Variants in SYT9 observed in about 807,000 individuals in gnomAD.
SYT9 encodes synaptotagmin 9.
Under a neutral mutation model 48.4 loss-of-function variants are expected in SYT9, and 22 were observed. That is an observed-to-expected ratio of 0.45 (90% CI 0.32 to 0.65). The LOEUF is 0.65. Ranked by LOEUF, SYT9 falls within the 30% of genes least tolerant of loss-of-function variation. SYT9 has a pLI of 0.03. For missense variants in SYT9, 577 were observed against 622.0 expected, an observed-to-expected ratio of 0.93 and a Z score of 0.77; for synonymous variants, 265 against 245.0, an observed-to-expected ratio of 1.08 and a Z score of -0.76.
chr11:7,426,289 T>C (rs1235046053), intron 6 of SYT9, among the ~76,000 whole-genome samples: 1 of 152,102 alleles, frequency 6.6e-6, no homozygotes, highest in Non-Finnish European at 1.5e-5. Context: ...CTGGTGTAAC[T>C]GTGGGCTATA....
chr11:7,427,274 C>G lies in SYT9; in HGVS notation c.1467+6639C>G, dbSNP rs182570209. ...AAATAGAGATGGCCCTTATTAAGCTCCAAGTTTTAATTACCTTTTCTCTAT... is the reference window on the plus strand; with the variant it reads ...AAATAGAGATGGCCCTTATTAAGCTGCAAGTTTTAATTACCTTTTCTCTAT... On this transcript the variant is annotated intron_variant, in intron 6 of 6. Coordinates refer to ENST00000318881, the MANE Select transcript of SYT9 (RefSeq NM_175733.4). The G allele has an allele frequency of 1.1e-4, 16 of 152,254 alleles. No homozygotes were observed. The East Asian group carries it at 2.9e-3, about 28-fold the overall frequency. The allele number at this position is 152,254 out of a possible 1,614,324, so 9.4% of individuals were successfully genotyped here.
chr11:7,372,525 C>T (rs1302218896), intron 3 of SYT9, among the ~76,000 whole-genome samples: 3 of 152,086 alleles, frequency 2.0e-5, no homozygotes, highest in African/African-American at 7.2e-5. Context: ...ATTGCCCAGG[C>T]AGGTGATTTC....
chr11:7,419,966 G>A, intron 5 of SYT9, among the ~76,000 whole-genome samples: 1 of 152,138 alleles, frequency 6.6e-6, no homozygotes, highest in East Asian at 1.9e-4. Flanking sequence ...AACTAACTGG[G>A]CCAAAGAAGC....
chr11:7,456,533 C>T (rs1219723192), intron 6 of SYT9, among the ~76,000 whole-genome samples: 4 of 152,096 alleles, frequency 2.6e-5, no homozygotes, highest in Admixed American at 2.6e-4. Flanking sequence ...TGGCCACCCT[C>T]CATAAGTGGT....
At position 7,338,146 on chromosome 11, in the gene SYT9, C is replaced by T. The variant is rs980042380; in HGVS notation, c.1044+24205C>T. 3.9e-5 allele frequency among the ~76,000 whole-genome samples: 6 copies of T among 152,068 alleles called. No homozygotes were observed. In the East Asian group the frequency reaches 9.6e-4, roughly 24 times the overall value. On this transcript the variant is annotated intron_variant, in intron 3 of 6. Transcript: ENST00000318881. ...TCTTCTAGGTTTTTAAATGTGTGTG[C>T]GTAGAGGTGTTTGTAGTAGTCTCTG...
intron 1 of SYT9, among the ~76,000 whole-genome samples, chr11:7,278,803 T>C (rs952158678): frequency 1.3e-5 from 2 of 152,210 alleles, no homozygotes; most frequent in Non-Finnish European, 2.9e-5. Flanking sequence ...GAGACTGCGT[T>C]AACTTGGAAA....
At chr11:7,435,987 G>GAA (rs11385889) in intron 6 of SYT9, 17 of 144,972 alleles carry the variant, frequency 1.2e-4, no homozygotes, top group East Asian at 4.0e-4. Flanking sequence ...TCTAGAAAAA[G>GAA]AAAAAAAAAA....
rs117795729 is a variant in SYT9, at chr11:7,417,202, C to T, written c.1166-755C>T. On this transcript the variant is annotated intron_variant, in intron 4 of 6. Transcript: ENST00000318881. ...AGCAGAAAGAAAAAAAAGCTGTGGT[C>T]CCTCTGGTCATCTAAGTCCCTACTG... Among the ~76,000 whole-genome samples, 688 of 152,166 alleles carry T rather than the reference C, an allele frequency of 4.5e-3. 5 individuals are homozygous for T. The highest frequency in any genetic ancestry group is 5.1e-3 in the Non-Finnish European group (346 of 67,994).
intron 6 of SYT9, chr11:7,453,968 A>C: frequency 1.0e-6 from 1 of 984,916 alleles, no homozygotes; most frequent in Non-Finnish European, 1.2e-6. Context: ...CTCCTTCAGC[A>C]GGCACCCTCT....
intron 3 of SYT9, among the ~76,000 whole-genome samples, chr11:7,344,505 T>C (rs577316795): frequency 2.0e-5 from 3 of 152,274 alleles, no homozygotes; most frequent in African/African-American, 7.2e-5. Context: ...TTTTTTACTG[T>C]TTTACTCTAG....
Position 7,313,693 on chromosome 11 carries a change from C to A in SYT9, c.796C>A (p.Pro266Thr). The change falls in exon 3 of 7, where the codon CCT (proline) becomes ACT (threonine). Residue 266 changes from proline to threonine, a missense_variant. Pro to Thr is a conservative substitution (Grantham distance 38). Transcript: ENST00000318881. ...SDPYVKIYLL[P>T]DRKTKHQTKV... ...TCCTTATGTCAAGATCTATTTGCTT[C>A]CTGATCGGAAAACAAAACACCAGAC... The A allele has an allele frequency of 3.1e-6, 5 of 1,614,192 alleles. No individual in the cohort carries two copies. Among genetic ancestry groups the A allele is most frequent in the Non-Finnish European group, 4.2e-6 (5 of 1,180,018 alleles).
intron 6 of SYT9, among the ~76,000 whole-genome samples, chr11:7,462,943 A>G (rs181460027): frequency 1.4e-3 from 214 of 152,310 alleles, no homozygotes; most frequent in African/African-American, 4.8e-3. Flanking sequence ...TGTGATCGAA[A>G]TGTCACTTCA....
intron 5 of SYT9, among the ~76,000 whole-genome samples, chr11:7,419,495 A>G (rs775782353): frequency 1.3e-5 from 2 of 152,178 alleles, no homozygotes; most frequent in African/African-American, 4.8e-5. Context: ...ATCCCATAGA[A>G]TTAAAGAATT....
intron 3 of SYT9, among the ~76,000 whole-genome samples, chr11:7,363,268 AT>A (rs1332654127): frequency 6.6e-6 from 1 of 151,812 alleles, no homozygotes; most frequent in Non-Finnish European, 1.5e-5. Flanking sequence ...ACTAGCCTAC[AT>A]TTTCCTCAAC....
intron 6 of SYT9, among the ~76,000 whole-genome samples, chr11:7,465,330 C>A (rs1189995966): frequency 6.6e-6 from 1 of 152,124 alleles, no homozygotes; most frequent in Non-Finnish European, 1.5e-5. Context: ...TAATACTTTC[C>A]TTAAGTAAGT....
Position 7,416,063 on chromosome 11 carries a change from C to G in SYT9, c.1066C>G (p.Leu356Val). Reference protein sequence around the residue: ...VTNDNVDLGELMFSLCYLPTA... With the variant: ...VTNDNVDLGEVMFSLCYLPTA... ...ACAGGACAACGTGGATCTGGGAGAG[C>G]TGATGTTTTCCCTGTGCTATCTTCC... Residue 356 changes from leucine to valine, a missense_variant, in exon 4 of 7, where the codon CTG becomes GTG. By Grantham distance (32) the Leu-to-Val change is conservative. Coordinates refer to ENST00000318881, the MANE Select transcript of SYT9 (RefSeq NM_175733.4). 6.2e-7 allele frequency: 1 copy of G among 1,614,160 alleles called. No homozygotes were observed. Among genetic ancestry groups the G allele is most frequent in the East Asian group, 2.2e-5 (1 of 44,884 alleles).
At chr11:7,310,062 A>T (rs1849103152) in intron 2 of SYT9, among the ~76,000 whole-genome samples, 1 of 152,230 alleles carries the variant, frequency 6.6e-6, no homozygotes, top group Non-Finnish European at 1.5e-5. Context: ...GAATGAAATT[A>T]TCATGTAAAA....
At position 7,407,422 on chromosome 11, in the gene SYT9, G is replaced by A. The variant is rs1302655620; in HGVS notation, c.1045-8620G>A. ...GGAGTCTCGCTCTGTCGCCCAGGCC[G>A]GACTGCGGACTGCAGTGGCGCAATC... is the stretch of plus-strand genomic sequence containing the variant. On this transcript the variant is annotated intron_variant, in intron 3 of 6. Coordinates refer to ENST00000318881, the MANE Select transcript of SYT9 (RefSeq NM_175733.4). Among the ~76,000 whole-genome samples the A allele has an allele frequency of 1.4e-4, 6 of 43,940 alleles. 1 individual carries two copies. Among genetic ancestry groups the A allele is most frequent in the Non-Finnish European group, 2.4e-4 (6 of 25,100 alleles). The allele number at this position is 43,940 out of a possible 152,430, so 28.8% of individuals were successfully genotyped here.
chr11:7,424,672 C>T (rs1458081215), intron 6 of SYT9, among the ~76,000 whole-genome samples: 2 of 152,156 alleles, frequency 1.3e-5, no homozygotes, highest in Non-Finnish European at 2.9e-5. Context: ...GAAAGAGAAT[C>T]CGATCAGAAT....
Sources: allele counts gnomAD v4.1 joint callset (sites outside exome capture counted in the v4.1 genomes callset), GRCh38; gene constraint gnomAD v4.1.1; transcripts MANE v1.5; gene names NCBI Gene and HGNC (gene_info 2026-07-23, HGNC 2026-07-21).